Variants in FNDC3A observed in about 807,000 individuals in gnomAD.
FNDC3A encodes the protein fibronectin type III domain containing 3A.
FNDC3A carries 32 observed loss-of-function variants against 148.9 expected under a neutral mutation model. That is an observed-to-expected ratio of 0.21 (90% CI 0.16 to 0.29). The LOEUF (loss-of-function observed/expected upper bound fraction) is 0.29. Ranked by LOEUF, FNDC3A falls within the 10% of genes least tolerant of loss-of-function variation. The pLI, the probability that FNDC3A is intolerant of heterozygous loss-of-function variation, is 1.00. For missense variants in FNDC3A, 1,191 were observed against 1,452.8 expected (o/e 0.82, Z 2.93); for synonymous variants, 472 against 473.6 (o/e 1.00, Z 0.04).
chr13:49,186,345 T>C (rs111243389), intron 15 of FNDC3A, among the ~76,000 whole-genome samples: 96 of 152,318 alleles, frequency 6.3e-4, no homozygotes, highest in African/African-American at 1.9e-3. Flanking sequence ...GGGGTAGCAC[T>C]GTGAAATGAA....
At chr13:49,041,385 T>C (rs1874916941) in intron 2 of FNDC3A, among the ~76,000 whole-genome samples, 1 of 152,242 alleles carries the variant, frequency 6.6e-6, no homozygotes, top group Non-Finnish European at 1.5e-5. Context: ...TTTACTACTC[T>C]ATCCCAATTA....
At chr13:49,143,187 A>G (rs759195099) in intron 7 of FNDC3A, among the ~76,000 whole-genome samples, 6 of 152,094 alleles carry the variant, frequency 3.9e-5, no homozygotes, top group Non-Finnish European at 5.9e-5. Flanking sequence ...TTTTAATAGA[A>G]TGAGTTAGTA....
intron 2 of FNDC3A, among the ~76,000 whole-genome samples, chr13:49,008,429 C>G (rs1952266356): frequency 6.7e-6 from 1 of 149,194 alleles, no homozygotes. Flanking sequence ...CCTGTTTAAC[C>G]ACAGACTAAA....
At chr13:49,198,714 T>C in intron 23 of FNDC3A, 140 bp downstream of exon 23, 1 of 682,740 alleles carries the variant, frequency 1.5e-6, no homozygotes, top group African/African-American at 1.8e-5. Flanking sequence ...GGCGAATTGC[T>C]TGAGCCCAGG....
chr13:48,998,194 A>G (rs944635721), intron 1 of FNDC3A, among the ~76,000 whole-genome samples: 6 of 152,324 alleles, frequency 3.9e-5, no homozygotes, highest in Admixed American at 3.9e-4. Context: ...AGAAGGCAGA[A>G]CTTGTGAACT....
In FNDC3A at chr13:49,143,316, G is replaced by T. The variant is rs149433196; in HGVS notation, c.820-2462G>T. ...GGGCAGGAGGATCGCTTGAGCCTAGGAGTTCGCAACCAGCCCAAGCAACAA... is the reference window on the plus strand; with the variant it reads ...GGGCAGGAGGATCGCTTGAGCCTAGTAGTTCGCAACCAGCCCAAGCAACAA... On this transcript the variant is annotated intron_variant, in intron 7 of 25. Transcript: ENST00000492622. Among the ~76,000 whole-genome samples the T allele has an allele frequency of 2.6e-3, 395 of 152,128 alleles. 10 individuals carry two copies. The East Asian group carries it at 0.041, about 16-fold the overall frequency.
In FNDC3A at chr13:49,207,235, A is replaced by G; in HGVS notation, c.3437A>G (p.Gln1146Arg). ...PYSTTVLFIS[Q>R]RTEPPASTNR... is the part of the protein sequence containing the mutation. ...AGCACCACAGTGCTCTTCATCTCTC[A>G]GAGGACTGAACCACCAGCCAGCACC... The change falls in exon 26 of 26, where the codon CAG becomes CGG. Residue 1146 changes from glutamine (Q) to arginine (R), a missense_variant. By Grantham distance (43) the Gln-to-Arg change is conservative (BLOSUM62 1). Coordinates refer to ENST00000492622, the MANE Select transcript of FNDC3A (RefSeq NM_001079673.2). The G allele has an allele frequency of 6.2e-7, 1 of 1,614,192 alleles. No homozygotes were observed. The highest frequency in any genetic ancestry group is 8.5e-7 in the Non-Finnish European group (1 of 1,180,030).
intron 2 of FNDC3A, chr13:49,046,712 G>A (rs972439873): frequency 6.6e-6 from 1 of 152,516 alleles, no homozygotes; most frequent in Admixed American, 6.5e-5. Flanking sequence ...TAACATGAGT[G>A]ATTCACACCT....
At chr13:49,189,372 G>C (rs1428635393) in intron 17 of FNDC3A, among the ~76,000 whole-genome samples, 2 of 151,946 alleles carry the variant, frequency 1.3e-5, no homozygotes, top group Non-Finnish European at 2.9e-5. Context: ...TAGTAGAGAC[G>C]GGGTTTTACC....
chr13:49,154,473 A>C (rs990596583), intron 8 of FNDC3A, among the ~76,000 whole-genome samples: 1 of 147,322 alleles, frequency 6.8e-6, no homozygotes, highest in Non-Finnish European at 1.5e-5. Flanking sequence ...AAACAGGGAC[A>C]ATTTGACTTC....
At chr13:49,116,372 G>A (rs1024026096) in intron 4 of FNDC3A, among the ~76,000 whole-genome samples, 3 of 152,166 alleles carry the variant, frequency 2.0e-5, no homozygotes, top group African/African-American at 7.2e-5. Flanking sequence ...CCACAAATAT[G>A]TATTGAGTGT....
chr13:49,033,904 AG>A (rs1287452894), intron 2 of FNDC3A, among the ~76,000 whole-genome samples: 3 of 152,038 alleles, frequency 2.0e-5, no homozygotes, highest in African/African-American at 7.2e-5. Flanking sequence ...TTAAATCAAT[AG>A]TTATAGATTA....
chr13:49,063,970 TG>T (rs1301638988), intron 2 of FNDC3A, among the ~76,000 whole-genome samples: 2 of 152,202 alleles, frequency 1.3e-5, no homozygotes, highest in East Asian at 3.8e-4. Context: ...CTCATTTCCT[TG>T]GCATACAAAC....
Position 48,986,837 on chromosome 13 carries a change from A to C in FNDC3A, c.-40+10660A>C, listed in dbSNP as rs76920906. Among the ~76,000 whole-genome samples the C allele has an allele frequency of 9.5e-3, 1,453 of 152,338 alleles. 14 individuals are homozygous for C. The highest frequency in any genetic ancestry group is 0.023 in the African/African-American group (948 of 41,574). On this transcript the variant is annotated intron_variant, in intron 1 of 25. Coordinates refer to ENST00000492622, the MANE Select transcript of FNDC3A (RefSeq NM_001079673.2). ...CTTTAAGGACTACTGGATTCTGCAG[A>C]CAAATCTACTTATAGGAAATAAAGA...
At chr13:49,165,024 CTTATAA>C (rs1048773362) in intron 8 of FNDC3A, among the ~76,000 whole-genome samples, 1 of 152,108 alleles carries the variant, frequency 6.6e-6, no homozygotes, top group South Asian at 2.1e-4. Flanking sequence ...TTGGTTCTTT[CTTATAA>C]TTATGTTTCT....
chr13:48,986,396 T>TG (rs1555274138), intron 1 of FNDC3A, among the ~76,000 whole-genome samples: 3 of 116,194 alleles, frequency 2.6e-5, no homozygotes, highest in Non-Finnish European at 5.3e-5. Flanking sequence ...TTTTTTTTTT[T>TG]TTTTTTTTTT....
rs140820759 is a variant in FNDC3A, at chr13:49,054,287, A to G, written c.100-21002A>G. The stretch of plus-strand genomic sequence containing the variant: ...TTATAAACTTTAATAGTTCATCTGT[A>G]GTATACAACCTGTAGTATATTAAAA... On this transcript the variant is annotated intron_variant, in intron 2 of 25. Transcript: ENST00000492622. Among the ~76,000 whole-genome samples, 320 of 152,312 alleles carry G rather than the reference A, an allele frequency of 2.1e-3. 2 individuals are homozygous for G. Among genetic ancestry groups the G allele is most frequent in the African/African-American group, 7.1e-3 (296 of 41,556 alleles).
intron 23 of FNDC3A, among the ~76,000 whole-genome samples, chr13:49,198,805 G>A (rs181488868): frequency 5.5e-4 from 83 of 152,226 alleles, no homozygotes; most frequent in African/African-American, 1.6e-3. Flanking sequence ...TTTCAAAAAC[G>A]AAGTCAAGAT....
chr13:49,136,463 C>T lies in FNDC3A; in HGVS notation c.622C>T (p.Pro208Ser), dbSNP rs1185169364. The change falls in exon 6 of 26, where the codon CCC becomes TCC. Residue 208 changes from proline to serine, a missense_variant. Physicochemically the swap from Pro to Ser is moderately conservative, Grantham distance 74. Around this residue, in one of 3 missense-constraint regions of FNDC3A, gnomAD observed 426 missense variants for 473.2 expected, o/e 0.90. Coordinates refer to ENST00000492622, the MANE Select transcript of FNDC3A (RefSeq NM_001079673.2). ...TAAAATGAGCAGTCCACCATCATCA[C>T]CCCAGAAATGCCCTTCTCCCATTAA... is the stretch of plus-strand genomic sequence containing the variant. ...KDKMSSPPSSPQKCPSPINEH... is the reference protein window; with the variant it reads ...KDKMSSPPSSSQKCPSPINEH... 3 of 1,614,072 alleles carry T rather than the reference C, an allele frequency of 1.9e-6. No individual in the cohort carries two copies. The highest frequency in any genetic ancestry group is 3.3e-4 in the Middle Eastern group (2 of 6,062).
Sources: gnomAD v4.1 joint callset for allele counts (sites outside exome capture counted in the v4.1 genomes callset) on GRCh38, gnomAD v4.1.1 for gene constraint, gnomAD v4.1.1 regional missense constraint, MANE v1.5 for transcripts, NCBI Gene and HGNC (gene_info 2026-07-23, HGNC 2026-07-21) for gene names.